The following RMST variants were observed in gnomAD, a reference collection of about 807,000 sequenced individuals.
RMST encodes the protein long intergenic non-protein coding RNA 54.
In RMST at chr12:97,490,665, C is replaced by T. The variant is rs569092139; in HGVS notation, n.645-1796C>T. 1.3e-5 allele frequency among the ~76,000 whole-genome samples: 2 copies of T among 152,266 alleles called. 1 individual carries two copies. The highest frequency in any genetic ancestry group is 4.1e-4 in the South Asian group (2 of 4,828). On this transcript the variant is annotated intron_variant and non_coding_transcript_variant, in intron 5 of 13. Transcript: ENST00000640149. ...AATTTTATATTTATATTTAGACATT[C>T]TCAGGGCTTTCATATAGAAAAAGAA...
intron 11 of RMST, among the ~76,000 whole-genome samples, chr12:97,532,025 A>T (rs1403443778): frequency 6.6e-6 from 1 of 151,960 alleles, no homozygotes; most frequent in Non-Finnish European, 1.5e-5. Context: ...TGGCATTATG[A>T]ATTTTAAAGC....
intron 5 of RMST, among the ~76,000 whole-genome samples, chr12:97,482,739 ATTAT>A (rs1488246298): frequency 2.2e-5 from 3 of 134,170 alleles, no homozygotes; most frequent in South Asian, 2.2e-4. Flanking sequence ...ATAAATTTAT[ATTAT>A]TTATTTATTA....
At chr12:97,494,424 C>T (rs1877186487) in intron 8 of RMST, among the ~76,000 whole-genome samples, 1 of 152,102 alleles carries the variant, frequency 6.6e-6, no homozygotes, top group Non-Finnish European at 1.5e-5. Flanking sequence ...GTGACTCACA[C>T]CTGTAAACCC....
intron 11 of RMST, among the ~76,000 whole-genome samples, chr12:97,545,765 T>G (rs1882882756): frequency 6.6e-6 from 1 of 152,098 alleles, no homozygotes; most frequent in East Asian, 1.9e-4. Context: ...GAAAAAATCC[T>G]AGGGATGAGC....
chr12:97,482,889 C>A (rs1875595482), intron 5 of RMST, among the ~76,000 whole-genome samples: 1 of 150,064 alleles, frequency 6.7e-6, no homozygotes, highest in South Asian at 2.1e-4. Context: ...AACCCAGAAG[C>A]CCCTCATGCC....
At chr12:97,491,989 A>C (rs376811511) in intron 5 of RMST, 2 of 531,790 alleles carry the variant, frequency 3.8e-6, no homozygotes, top group African/African-American at 3.8e-5. Flanking sequence ...CTGATAAACA[A>C]TGGAACTTCT....
At chr12:97,475,129 G>A (rs1874386858) in intron 5 of RMST, among the ~76,000 whole-genome samples, 1 of 152,094 alleles carries the variant, frequency 6.6e-6, no homozygotes, top group African/African-American at 2.4e-5. Flanking sequence ...TGATTGTCTT[G>A]TCCATATCTT....
intron 5 of RMST, among the ~76,000 whole-genome samples, chr12:97,479,387 G>A (rs901020192): frequency 3.9e-5 from 6 of 151,932 alleles, no homozygotes; most frequent in South Asian, 4.1e-4. Flanking sequence ...TCCTGGCCTC[G>A]AGTTATCCTC....
chr12:97,558,260 TTTAA>T (rs1388155089), intron 11 of RMST, among the ~76,000 whole-genome samples: 7 of 152,314 alleles, frequency 4.6e-5, no homozygotes, highest in African/African-American at 1.4e-4. Context: ...GAGCTACTTA[TTTAA>T]TTATTTTGGA....
intron 13 of RMST, chr12:97,563,926 G>A (rs1386450447): frequency 2.0e-6 from 1 of 498,406 alleles, no homozygotes; most frequent in Non-Finnish European, 4.2e-6. Context: ...CTAAGAAGGG[G>A]CCATCAGTAT....
At chr12:97,523,849 G>A (rs1414473366) in intron 10 of RMST, among the ~76,000 whole-genome samples, 3 of 151,806 alleles carry the variant, frequency 2.0e-5, no homozygotes, top group Non-Finnish European at 2.9e-5. Flanking sequence ...AGGTCGAGGC[G>A]GGCGGATCAC....
At chr12:97,552,146 A>G (rs1710681489) in intron 11 of RMST, 1 of 152,156 alleles carries the variant, frequency 6.6e-6, no homozygotes, top group African/African-American at 2.4e-5. Flanking sequence ...CTTCCTTTGC[A>G]TCATTTCTAG....
At chr12:97,556,444 A>G (rs1039842652) in intron 11 of RMST, among the ~76,000 whole-genome samples, 1 of 152,210 alleles carries the variant, frequency 6.6e-6, no homozygotes, top group Non-Finnish European at 1.5e-5. Context: ...CTGGGGACAC[A>G]TTTCTTAACC....
chr12:97,512,103 A>C (rs1879388549), intron 10 of RMST, among the ~76,000 whole-genome samples: 1 of 151,738 alleles, frequency 6.6e-6, no homozygotes, highest in African/African-American at 2.4e-5. Flanking sequence ...ATGTGTTCAG[A>C]GTTTCTTCTG....
At chr12:97,492,033 C>T (rs1876895797) in intron 5 of RMST, 2 of 511,520 alleles carry the variant, frequency 3.9e-6, no homozygotes, top group South Asian at 2.8e-5. Context: ...TGATCTAATT[C>T]CTTAATTCAA....
chr12:97,499,420 T>A (rs913140321), intron 10 of RMST, among the ~76,000 whole-genome samples: 2 of 152,176 alleles, frequency 1.3e-5, no homozygotes, highest in Non-Finnish European at 2.9e-5. Context: ...TCTGCACCCA[T>A]GTTTTGGGAT....
chr12:97,561,629 C>CTT (rs9331504), intron 13 of RMST, among the ~76,000 whole-genome samples: 26 of 56,682 alleles, frequency 4.6e-4, no homozygotes, highest in Non-Finnish European at 6.2e-4. Flanking sequence ...AGTTTGAAGG[C>CTT]TTTTTTTTTT....
intron 11 of RMST, among the ~76,000 whole-genome samples, chr12:97,544,187 G>A (rs1882762684): frequency 6.6e-6 from 1 of 151,996 alleles, no homozygotes; most frequent in African/African-American, 2.4e-5. Flanking sequence ...AAACTAAATG[G>A]AAAAATTGGT....
At chr12:97,495,472 A>C (rs777415225) in intron 9 of RMST, among the ~76,000 whole-genome samples, 1 of 152,176 alleles carries the variant, frequency 6.6e-6, no homozygotes, top group Non-Finnish European at 1.5e-5. Context: ...AGGATACTAA[A>C]ATATCTAGCC....
Sources: allele counts gnomAD v4.1 joint callset (sites outside exome capture counted in the v4.1 genomes callset), GRCh38; gene constraint gnomAD v4.1.1; transcripts MANE v1.5; gene names NCBI Gene and HGNC (gene_info 2026-07-23, HGNC 2026-07-21).